HMCN1: variants seen among roughly 807,000 people sequenced by gnomAD.
HMCN1 encodes hemicentin 1, also known as hemicentin-1.
A neutral mutation model predicts 625.9 loss-of-function variants in HMCN1; 321 were observed. That is an observed-to-expected ratio of 0.51 (90% CI 0.47 to 0.56). The LOEUF (loss-of-function observed/expected upper bound fraction) is 0.56. HMCN1 is among the 20% of genes least tolerant of loss of function. The pLI, the probability that HMCN1 is intolerant of heterozygous loss-of-function variation, is 0.00. For missense variants in HMCN1, 6,588 were observed against 6,887.3 expected (o/e 0.96, Z 1.54); for synonymous variants, 2,425 against 2,417.6 (o/e 1.00, Z -0.09).
intron 16 of HMCN1, among the ~76,000 whole-genome samples, chr1:185,979,641 T>C (rs1249520595): frequency 6.6e-6 from 1 of 152,180 alleles, no homozygotes; most frequent in Non-Finnish European, 1.5e-5. Context: ...ATGGGGTGGT[T>C]TGCTGAATTT....
intron 4 of HMCN1, among the ~76,000 whole-genome samples, chr1:185,887,940 C>T (rs1558041130): frequency 7.0e-6 from 1 of 143,090 alleles, no homozygotes; most frequent in Non-Finnish European, 1.5e-5. Flanking sequence ...TAAAAGTGTT[C>T]CTATTTCTCC....
At chr1:186,059,612 G>A (rs1033446358) in intron 46 of HMCN1, among the ~76,000 whole-genome samples, 2 of 152,010 alleles carry the variant, frequency 1.3e-5, no homozygotes, top group African/African-American at 4.8e-5. Context: ...AATGAGAATC[G>A]AATGGCATAT....
chr1:186,007,201 A>G lies in HMCN1; in HGVS notation c.4549A>G (p.Arg1517Gly), dbSNP rs1653697125. 1.9e-6 allele frequency: 3 copies of G among 1,613,512 alleles called. No individual in the cohort carries two copies. The highest frequency in any genetic ancestry group is 2.5e-6 in the Non-Finnish European group (3 of 1,179,530). Residue 1517 changes from arginine (R) to glycine (G), a missense_variant, in exon 30 of 107, where the codon AGA (arginine) becomes GGA (glycine). This residue lies in a region of HMCN1 where 4,628 missense variants were observed against 4,853.1 expected (regional missense o/e 0.95). Transcript: ENST00000271588. ...GQVLHLKNAR[R>G]NDKGRYQCTV... ...AGTCTTACATTTAAAGAATGCACGG[A>G]GAAATGACAAGGGGCGCTACCAATG...
chr1:186,187,710 G>A (rs902925436), intron 105 of HMCN1, among the ~76,000 whole-genome samples, 173 bp from the exon 106 acceptor site: 1 of 152,024 alleles, frequency 6.6e-6, no homozygotes, highest in African/African-American at 2.4e-5. Context: ...AAATAACCCT[G>A]CCAGGTGTCA....
chr1:186,087,741 AATG>A (rs1251363822), intron 60 of HMCN1, 96 bp downstream of exon 60: 1 of 1,307,680 alleles, frequency 7.6e-7, no homozygotes, highest in African/African-American at 1.5e-5. Context: ...TACAGTGAAA[AATG>A]ATTTTCATTA....
In HMCN1 at chr1:185,751,096, T is replaced by A. The variant is rs567162520; in HGVS notation, c.268+16049T>A. ...GTTTCCTTAGATTTAATTTGTTTGTTGATTTCTTTACTCATTGTTGCTTCT... is the reference window on the plus strand; with the variant it reads ...GTTTCCTTAGATTTAATTTGTTTGTAGATTTCTTTACTCATTGTTGCTTCT... On this transcript the variant is annotated intron_variant, in intron 1 of 106. Transcript: ENST00000271588. Among the ~76,000 whole-genome samples the A allele has an allele frequency of 4.6e-5, 7 of 152,288 alleles. No homozygotes were observed. In the East Asian group the frequency reaches 1.4e-3, roughly 29 times the overall value.
intron 4 of HMCN1, among the ~76,000 whole-genome samples, chr1:185,904,742 T>C (rs1332098537): frequency 6.6e-6 from 1 of 151,858 alleles, no homozygotes; most frequent in Non-Finnish European, 1.5e-5. Flanking sequence ...TATGTACCTA[T>C]GCAAATGGCA....
rs79434055 is a variant in HMCN1 at position 186,007,361 on chromosome 1, C to G, written c.4630+79C>G. On this transcript the variant is annotated intron_variant, in intron 30 of 106. Transcript: ENST00000271588. ...AGCAGGGTTTACTGGTAACTACACTCTTATTTCATACTGAATAATTTGGAA... is the reference window on the plus strand; with the variant it reads ...AGCAGGGTTTACTGGTAACTACACTGTTATTTCATACTGAATAATTTGGAA... 5,968 of 1,275,410 alleles carry G rather than the reference C, an allele frequency of 4.7e-3. 21 individuals carry two copies. Among genetic ancestry groups the G allele is most frequent in the Non-Finnish European group, 5.5e-3 (4,789 of 876,646 alleles). 79.0% of individuals were successfully genotyped at this position (1,275,410 alleles called of 1,614,324 possible).
chr1:186,136,424 A>G (rs1397067119), intron 86 of HMCN1, among the ~76,000 whole-genome samples: 1 of 152,130 alleles, frequency 6.6e-6, no homozygotes, highest in Non-Finnish European at 1.5e-5. Context: ...TCCAGGAAAC[A>G]TGACTCTAGA....
intron 1 of HMCN1, among the ~76,000 whole-genome samples, chr1:185,760,060 T>C (rs1655391212): frequency 6.6e-6 from 1 of 152,206 alleles, no homozygotes; most frequent in East Asian, 1.9e-4. Context: ...AGGTCATGTT[T>C]TGGGGTATGA....
intron 4 of HMCN1, among the ~76,000 whole-genome samples, chr1:185,870,334 A>T (rs1663530437): frequency 6.6e-6 from 1 of 152,278 alleles, no homozygotes; most frequent in African/African-American, 2.4e-5. Flanking sequence ...CAAGTTGGAA[A>T]TCTCAAAGTT....
At chr1:186,065,502 G>C in intron 49 of HMCN1, 73 bp downstream of exon 49, 1 of 1,131,286 alleles carries the variant, frequency 8.8e-7, no homozygotes, top group East Asian at 2.5e-5. Context: ...TTCTTTTTCT[G>C]TTCAAGTAAT....
At chr1:186,154,144 C>T (rs958474940) in intron 97 of HMCN1, among the ~76,000 whole-genome samples, 157 bp downstream of exon 97, 10 of 152,144 alleles carry the variant, frequency 6.6e-5, no homozygotes, top group Non-Finnish European at 1.2e-4. Flanking sequence ...TATGGAAAAG[C>T]CAACCCAATT....
intron 81 of HMCN1, among the ~76,000 whole-genome samples, chr1:186,125,010 T>C (rs1175981779): frequency 6.6e-6 from 1 of 152,172 alleles, no homozygotes; most frequent in Non-Finnish European, 1.5e-5. Flanking sequence ...TATTTGGTAC[T>C]ATACTGTGCA....
intron 4 of HMCN1, among the ~76,000 whole-genome samples, chr1:185,877,816 T>A (rs766504743): frequency 6.6e-6 from 1 of 152,106 alleles, no homozygotes; most frequent in Non-Finnish European, 1.5e-5. Context: ...GGTTTTGGTA[T>A]ACAGATTATT....
chr1:185,989,742 C>T lies in HMCN1; in HGVS notation c.3208+95C>T. 2.5e-6 allele frequency: 3 copies of T among 1,181,970 alleles called. No individual in the cohort carries two copies. The East Asian group carries it at 7.3e-5, about 29-fold the overall frequency. The allele number at this position is 1,181,970 out of a possible 1,614,324, so 73.2% of individuals were successfully genotyped here. A position where few individuals can be genotyped will look rare whatever the true frequency, so the allele number is the denominator to read the frequency against. ...CAATACTGTTACCAGATGCATGTAC[C>T]CCTAAAGTGAACTGCTCCCCCAGAT... is the stretch of plus-strand genomic sequence containing the variant. On this transcript the variant is annotated intron_variant, in intron 21 of 106. Coordinates refer to ENST00000271588, the MANE Select transcript of HMCN1 (RefSeq NM_031935.3).
At chr1:185,952,637 G>A (rs1389674216) in intron 11 of HMCN1, among the ~76,000 whole-genome samples, 3 of 151,644 alleles carry the variant, frequency 2.0e-5, no homozygotes, top group Non-Finnish European at 4.4e-5. Flanking sequence ...AACTACTGTC[G>A]AGTTTGTATT....
At chr1:186,171,137 T>C (rs190958568) in intron 100 of HMCN1, among the ~76,000 whole-genome samples, 200 bp from the exon 101 acceptor site, 57 of 152,294 alleles carry the variant, frequency 3.7e-4, no homozygotes, top group Non-Finnish European at 6.2e-4. Flanking sequence ...TTGTCTACTT[T>C]TAAGAGTATT....
At chr1:186,103,165 GT>G (rs1660461621) in intron 68 of HMCN1, among the ~76,000 whole-genome samples, 1 of 151,956 alleles carries the variant, frequency 6.6e-6, no homozygotes, top group East Asian at 1.9e-4. Flanking sequence ...GCTGCGTTTG[GT>G]TTTTATTGTT....
Sources: gnomAD v4.1 joint callset for allele counts (sites outside exome capture counted in the v4.1 genomes callset) on GRCh38, gnomAD v4.1.1 for gene constraint, gnomAD v4.1.1 regional missense constraint, MANE v1.5 for transcripts, NCBI Gene and HGNC (gene_info 2026-07-23, HGNC 2026-07-21) for gene names.